Variants in PCDHGA6 observed in about 807,000 individuals in gnomAD.
PCDHGA6 encodes the protein protocadherin gamma-A6.
PCDHGA6 carries 41 observed loss-of-function variants against 60.6 expected under a neutral mutation model. The ratio of observed to expected loss-of-function variants is 0.68; its 90% CI spans 0.53 to 0.88. The LOEUF (loss-of-function observed/expected upper bound fraction) is 0.88. Among genes scored for constraint, PCDHGA6 ranks in the 40% least tolerant of loss-of-function variants. The probability of loss-of-function intolerance (pLI) is 0.00; values close to 1 mark genes in which losing one functional copy is unlikely to be tolerated. For synonymous variants in PCDHGA6, 594 were observed against 524.4 expected (o/e 1.13, Z -1.81); for missense variants, 1,312 against 1,203.0 (o/e 1.09, Z -1.34).
chr5:141,460,983 G>A (rs12516231), intron 1 of PCDHGA6, among the ~76,000 whole-genome samples: 37,603 of 137,412 alleles, frequency 0.27, 5,103 homozygotes, highest in Admixed American at 0.34. Flanking sequence ...GTGTGTGTGT[G>A]TATATATATA....
intron 1 of PCDHGA6, chr5:141,413,621 A>G (rs369411784): frequency 1.0e-4 from 161 of 1,613,784 alleles, no homozygotes; most frequent in Admixed American, 1.5e-4. Flanking sequence ...ATTAATGAAA[A>G]TGTCGCTGCG....
rs1386904017 is a variant in PCDHGA6 at position 141,476,642 on chromosome 5, CG to C, written c.2425-18164del. On this transcript the variant is annotated intron_variant, in intron 1 of 3. Coordinates refer to ENST00000517434, the MANE Select transcript of PCDHGA6 (RefSeq NM_018919.3). The surrounding 1 kb of genome is among the most constrained non-coding windows in gnomAD (Gnocchi z 7.6). ...CTCTTTACAAACCTATGAGCTGAGC[CG>C]AAATGAATACTTTGCGCTTCGCGTG... The C allele has an allele frequency of 2.5e-6, 4 of 1,614,240 alleles. No homozygotes were observed.
intron 1 of PCDHGA6, among the ~76,000 whole-genome samples, chr5:141,449,131 G>A (rs530494400): frequency 7.9e-5 from 12 of 152,220 alleles, no homozygotes; most frequent in Non-Finnish European, 1.3e-4. Flanking sequence ...CCCAGAAATG[G>A]AATTGAAATT....
intron 1 of PCDHGA6, chr5:141,414,994 T>C (rs1390374290): frequency 3.7e-6 from 6 of 1,613,626 alleles, no homozygotes; most frequent in Non-Finnish European, 4.2e-6. Flanking sequence ...CCAGAACGCC[T>C]GGCTGTCCTA....
intron 1 of PCDHGA6, chr5:141,398,027 T>G: frequency 6.9e-7 from 1 of 1,449,556 alleles, no homozygotes; most frequent in Non-Finnish European, 9.2e-7. Context: ...AAACTGGAAC[T>G]GGAACTAAAG....
intron 1 of PCDHGA6, among the ~76,000 whole-genome samples, chr5:141,426,066 A>T (rs1488003387): frequency 6.6e-6 from 1 of 152,196 alleles, no homozygotes; most frequent in Admixed American, 6.5e-5. Context: ...CAAGAACTGG[A>T]GCCTGGGATC....
chr5:141,432,482 G>T lies in PCDHGA6; in HGVS notation c.2424+55975G>T, dbSNP rs768206517. 2.5e-6 allele frequency: 4 copies of T among 1,614,060 alleles called. No individual in the cohort carries two copies. Among genetic ancestry groups the T allele is most frequent in the Non-Finnish European group, 3.4e-6 (4 of 1,180,052 alleles). ...CCTCCCCACGGACGGTTCCACTGGC[G>T]TGGAGCTGGCTCCCCGCTCCGCAGA... On this transcript the variant is annotated intron_variant, in intron 1 of 3. Transcript: ENST00000517434. The surrounding 1 kb of genome is among the most constrained non-coding windows in gnomAD (Gnocchi z 6.0).
At chr5:141,481,356 T>A (rs1214829594) in intron 1 of PCDHGA6, among the ~76,000 whole-genome samples, 1 of 152,260 alleles carries the variant, frequency 6.6e-6, no homozygotes, top group East Asian at 1.9e-4. Context: ...CATCTACAGC[T>A]GTTCAATAGA....
intron 1 of PCDHGA6, among the ~76,000 whole-genome samples, chr5:141,472,445 C>T (rs2099280467): frequency 6.6e-6 from 1 of 151,956 alleles, no homozygotes; most frequent in Non-Finnish European, 1.5e-5. Flanking sequence ...GAGGCTGAGG[C>T]AGGAGAATCG....
At chr5:141,392,005 T>A (rs1323895692) in intron 1 of PCDHGA6, 1 of 152,198 alleles carries the variant, frequency 6.6e-6, no homozygotes, top group African/African-American at 2.4e-5. Context: ...AAAACTGCAA[T>A]GGTAAAAGCA....
intron 1 of PCDHGA6, chr5:141,441,364 C>T (rs533396852): frequency 6.6e-6 from 1 of 152,646 alleles, no homozygotes; most frequent in South Asian, 2.1e-4. Context: ...CAAATGGGGC[C>T]GTGGACCAGG....
chr5:141,505,089 G>A (rs1562219081), intron 2 of PCDHGA6, among the ~76,000 whole-genome samples: 1 of 152,208 alleles, frequency 6.6e-6, no homozygotes, highest in Non-Finnish European at 1.5e-5. Context: ...TTGAACCCAG[G>A]AGGTGGATGT....
chr5:141,461,647 C>T (rs1242234255), intron 1 of PCDHGA6, among the ~76,000 whole-genome samples: 3 of 152,006 alleles, frequency 2.0e-5, no homozygotes, highest in Non-Finnish European at 4.4e-5. Context: ...TTCTTTGACC[C>T]ATGGATTATT....
At chr5:141,408,271 T>C (rs948446189) in intron 1 of PCDHGA6, 7 of 1,610,858 alleles carry the variant, frequency 4.3e-6, no homozygotes, top group Non-Finnish European at 5.9e-6. Context: ...TGCTGCTGCC[T>C]TTGTTCTACC....
In PCDHGA6 at chr5:141,398,940, G is replaced by C. The variant is rs781438773; in HGVS notation, c.2424+22433G>C. 6.2e-7 allele frequency: 1 copy of C among 1,613,944 alleles called. No individual in the cohort carries two copies. Among genetic ancestry groups the C allele is most frequent in the Middle Eastern group, 1.7e-4 (1 of 6,060 alleles). ...AAGTGTCAGCCACTGACCAAGACGAGGGCATCAACTCAGAAATTACTTATT... is the reference window on the plus strand; with the variant it reads ...AAGTGTCAGCCACTGACCAAGACGACGGCATCAACTCAGAAATTACTTATT... On this transcript the variant is annotated intron_variant, in intron 1 of 3. Transcript: ENST00000517434.
rs191053275 is a variant in PCDHGA6, at chr5:141,384,800, A to T, written c.2424+8293A>T. 1,106 of 1,613,428 alleles carry T rather than the reference A, an allele frequency of 6.9e-4. 2 individuals are homozygous for T. In the Middle Eastern group the frequency reaches 0.018, roughly 27 times the overall value. ...GTGCGCACGGCTCGGGCCCTGCTGGACAGAGATGCCCTCAAGCAGAGCCTC... is the reference window on the plus strand; with the variant it reads ...GTGCGCACGGCTCGGGCCCTGCTGGTCAGAGATGCCCTCAAGCAGAGCCTC... On this transcript the variant is annotated intron_variant, in intron 1 of 3. Transcript: ENST00000517434.
chr5:141,441,993 G>T (rs577673608), intron 1 of PCDHGA6: 16 of 251,180 alleles, frequency 6.4e-5, no homozygotes, highest in East Asian at 3.9e-4. Flanking sequence ...CACCGACGAG[G>T]TGCTGACAGC....
intron 1 of PCDHGA6, chr5:141,430,941 A>G: frequency 6.2e-7 from 1 of 1,608,258 alleles, no homozygotes; most frequent in Non-Finnish European, 8.5e-7. Context: ...GAGCTCGCGG[A>G]GCGCGGAGTC....
chr5:141,430,926 C>T, intron 1 of PCDHGA6: 1 of 1,607,426 alleles, frequency 6.2e-7, no homozygotes, highest in Non-Finnish European at 8.5e-7. Flanking sequence ...GGGCTGGAGC[C>T]CCGGGAGCTC....
Sources: allele counts gnomAD v4.1 joint callset (sites outside exome capture counted in the v4.1 genomes callset), GRCh38; gene constraint gnomAD v4.1.1; non-coding constraint Gnocchi (gnomAD v3.1); transcripts MANE v1.5; gene names NCBI Gene and HGNC (gene_info 2026-07-23, HGNC 2026-07-21).